Variants in AGBL4 observed in about 807,000 individuals in gnomAD.
AGBL4 encodes cytosolic carboxypeptidase 6.
A neutral mutation model predicts 66.4 loss-of-function variants in AGBL4; 58 were observed. That is an observed-to-expected ratio of 0.87 (90% confidence interval 0.71 to 1.09). The LOEUF (loss-of-function observed/expected upper bound fraction) is 1.09, where lower values mean the gene tolerates loss of function less well. AGBL4 is among the 50% of genes least tolerant of loss of function. The probability of loss-of-function intolerance (pLI) is 0.00; values close to 1 mark genes in which losing one functional copy is unlikely to be tolerated. For missense variants in AGBL4, 579 were observed against 631.0 expected (o/e 0.92, Z 0.88); for synonymous variants, 234 against 222.9 (o/e 1.05, Z -0.44).
chr1:48,714,612 C>G (rs1240019763), intron 6 of AGBL4, among the ~76,000 whole-genome samples: 1 of 152,226 alleles, frequency 6.6e-6, no homozygotes, highest in African/African-American at 2.4e-5. Flanking sequence ...CATTCATCAT[C>G]TACGATTCCA....
chr1:49,320,179 C>T (rs1645107299), intron 3 of AGBL4, among the ~76,000 whole-genome samples: 1 of 152,044 alleles, frequency 6.6e-6, no homozygotes, highest in African/African-American at 2.4e-5. Context: ...AATTCACCCA[C>T]CTCGGCCTCC....
chr1:49,679,028 G>T (rs1471707838), intron 3 of AGBL4, among the ~76,000 whole-genome samples: 1 of 152,036 alleles, frequency 6.6e-6, no homozygotes, highest in Non-Finnish European at 1.5e-5. Context: ...ATATTGGGTG[G>T]AGTGTTCTAT....
chr1:48,920,222 C>T (rs550500078), intron 5 of AGBL4, among the ~76,000 whole-genome samples: 42 of 152,266 alleles, frequency 2.8e-4, no homozygotes, highest in Non-Finnish European at 4.4e-4. Flanking sequence ...ACATTGGCCA[C>T]ATCCCTTTCC....
intron 2 of AGBL4, among the ~76,000 whole-genome samples, chr1:49,810,828 A>G (rs1645083658): frequency 6.6e-6 from 1 of 152,162 alleles, no homozygotes; most frequent in Admixed American, 6.6e-5. Context: ...GCTTCAGGAA[A>G]ATGACTTGAG....
At chr1:48,802,591 T>C (rs1558005471) in intron 6 of AGBL4, among the ~76,000 whole-genome samples, 1 of 152,200 alleles carries the variant, frequency 6.6e-6, no homozygotes, top group Non-Finnish European at 1.5e-5. Flanking sequence ...CTGTATGTAC[T>C]AGGAAGTATG....
chr1:48,825,214 A>T (rs1313548465), intron 6 of AGBL4, among the ~76,000 whole-genome samples: 1 of 152,162 alleles, frequency 6.6e-6, no homozygotes, highest in Non-Finnish European at 1.5e-5. Flanking sequence ...ATTGCTGCGG[A>T]GGCCAGGAGG....
chr1:49,656,980 C>T (rs760964916), intron 3 of AGBL4, among the ~76,000 whole-genome samples: 33 of 152,130 alleles, frequency 2.2e-4, no homozygotes, highest in Admixed American at 8.5e-4. Flanking sequence ...CACTCCTATT[C>T]AACATAGTGT....
chr1:48,886,475 C>T lies in AGBL4; in HGVS notation c.595-19245G>A, dbSNP rs547594434. On this transcript the variant is annotated intron_variant, in intron 5 of 13. Transcript: ENST00000371839. ...TGTAATAAAAGGGAATAACAATGCTCTAAAACCTGCTGTGGGCGTCACACT... is the reference window on the plus strand; with the variant it reads ...TGTAATAAAAGGGAATAACAATGCTTTAAAACCTGCTGTGGGCGTCACACT... Among the ~76,000 whole-genome samples, 10 of 152,284 alleles carry T rather than the reference C, an allele frequency of 6.6e-5. No individual in the cohort carries two copies. In the East Asian group the frequency reaches 1.9e-3, roughly 29 times the overall value.
chr1:49,738,323 G>A (rs1035800300), intron 2 of AGBL4, among the ~76,000 whole-genome samples: 1 of 152,198 alleles, frequency 6.6e-6, no homozygotes, highest in Non-Finnish European at 1.5e-5. Flanking sequence ...ACAGCAGTCT[G>A]AGATCAAACT....
At chr1:48,867,314 A>G in intron 5 of AGBL4, 84 bp from the exon 6 acceptor site, 4 of 1,369,570 alleles carry the variant, frequency 2.9e-6, no homozygotes, top group Non-Finnish European at 4.1e-6. Context: ...ACAAGCAAAG[A>G]GGATGTTGGG....
At chr1:49,162,486 G>C (rs1342922554) in intron 4 of AGBL4, among the ~76,000 whole-genome samples, 2 of 151,972 alleles carry the variant, frequency 1.3e-5, no homozygotes, top group Non-Finnish European at 2.9e-5. Context: ...TAAGAATTAG[G>C]GTTGGTATTT....
intron 11 of AGBL4, among the ~76,000 whole-genome samples, chr1:48,569,123 G>A (rs995805134): frequency 6.6e-6 from 1 of 152,220 alleles, no homozygotes; most frequent in Non-Finnish European, 1.5e-5. Flanking sequence ...TTAGGGTACA[G>A]CTCAAAACCC....
intron 1 of AGBL4, among the ~76,000 whole-genome samples, chr1:49,986,218 C>T (rs1034372989): frequency 6.6e-6 from 1 of 152,108 alleles, no homozygotes; most frequent in Admixed American, 6.5e-5. Context: ...CTTGCCCCTT[C>T]CCAATCAATA....
chr1:48,591,098 C>CCCCA lies in AGBL4; in HGVS notation c.952-114_952-113insTGGG, dbSNP rs1553192308. ...CCCACACACACCCACCCACCCCCCCCCACACACACACACACATCAAGCTGA... is the reference window on the plus strand; with the variant it reads ...CCCACACACACCCACCCACCCCCCCCCCCACACACACACACACACATCAAGCTGA... On this transcript the variant is annotated intron_variant, in intron 9 of 13. Coordinates refer to ENST00000371839, the MANE Select transcript of AGBL4 (RefSeq NM_032785.4). 31 of 663,158 alleles carry CCCCA rather than the reference C, an allele frequency of 4.7e-5. 1 individual carries two copies. The highest frequency in any genetic ancestry group is 6.8e-5 in the South Asian group (3 of 43,798). The allele number at this position is 663,158 out of a possible 1,614,324, so 41.1% of individuals were successfully genotyped here. A position where few individuals can be genotyped will look rare whatever the true frequency, so the allele number is the denominator to read the frequency against.
intron 6 of AGBL4, among the ~76,000 whole-genome samples, chr1:48,705,407 T>G (rs115423100): frequency 7.7e-4 from 118 of 152,332 alleles, no homozygotes; most frequent in African/African-American, 2.7e-3. Context: ...TTACAAGAGA[T>G]AAATCTCATA....
intron 5 of AGBL4, among the ~76,000 whole-genome samples, chr1:48,918,345 T>TTGA (rs1653786373): frequency 6.6e-6 from 1 of 152,228 alleles, no homozygotes; most frequent in Admixed American, 6.5e-5. Flanking sequence ...ATGTTGAGAT[T>TTGA]TGATAGGATG....
intron 4 of AGBL4, among the ~76,000 whole-genome samples, chr1:49,138,866 A>G (rs1455754410): frequency 1.3e-5 from 2 of 152,196 alleles, no homozygotes; most frequent in African/African-American, 4.8e-5. Context: ...ATTGCTATAA[A>G]GAACTACCTG....
At chr1:48,844,885 A>G (rs1646877659) in intron 6 of AGBL4, among the ~76,000 whole-genome samples, 1 of 152,204 alleles carries the variant, frequency 6.6e-6, no homozygotes, top group Non-Finnish European at 1.5e-5. Flanking sequence ...TCCCATTTCA[A>G]GTCCTGTCCC....
At chr1:49,964,300 T>C (rs953161466) in intron 1 of AGBL4, among the ~76,000 whole-genome samples, 7 of 152,144 alleles carry the variant, frequency 4.6e-5, no homozygotes. Flanking sequence ...GGCAAGTTAC[T>C]TAATCTTATT....
Sources: allele counts gnomAD v4.1 joint callset (sites outside exome capture counted in the v4.1 genomes callset), GRCh38; gene constraint gnomAD v4.1.1; transcripts MANE v1.5; gene names NCBI Gene and HGNC (gene_info 2026-07-23, HGNC 2026-07-21).